The following TPD52L1 variants were observed in gnomAD, a reference collection of about 807,000 sequenced individuals.
The protein encoded by TPD52L1 is tumor protein D53.
A neutral mutation model predicts 28.7 loss-of-function variants in TPD52L1; 18 were observed. That is an observed-to-expected ratio of 0.63 (90% CI 0.43 to 0.93). The LOEUF is 0.93. TPD52L1 is among the 40% of genes least tolerant of loss of function. TPD52L1 has a pLI of 0.00. For synonymous variants in TPD52L1, 75 were observed against 88.8 expected (o/e 0.84, Z 0.88); for missense variants, 203 against 254.8 (o/e 0.80, Z 1.39).
At chr6:125,232,131 T>C (rs1795990389) in intron 3 of TPD52L1, among the ~76,000 whole-genome samples, 1 of 152,166 alleles carries the variant, frequency 6.6e-6, no homozygotes, top group African/African-American at 2.4e-5. Context: ...TTCAACTGCA[T>C]ATAGATAACA....
intron 1 of TPD52L1, among the ~76,000 whole-genome samples, chr6:125,194,023 GTTT>G (rs3040726): frequency 0.023 from 2,847 of 124,138 alleles, 65 homozygotes; most frequent in African/African-American, 0.076. Context: ...CTTCTGAATA[GTTT>G]TTTTTTTTTT....
At chr6:125,228,151 T>C (rs1012379588) in intron 2 of TPD52L1, among the ~76,000 whole-genome samples, 2 of 152,022 alleles carry the variant, frequency 1.3e-5, no homozygotes, top group Admixed American at 6.6e-5. Context: ...TTCTAGTAAA[T>C]ATCTGCAAAC....
intron 1 of TPD52L1, among the ~76,000 whole-genome samples, chr6:125,194,838 A>G (rs1793307743): frequency 1.3e-5 from 2 of 152,210 alleles, no homozygotes; most frequent in African/African-American, 4.8e-5. Context: ...TCTTATTTAT[A>G]GTTAGTTGGT....
intron 3 of TPD52L1, among the ~76,000 whole-genome samples, chr6:125,244,999 G>A (rs1274814605): frequency 1.3e-5 from 2 of 152,140 alleles, no homozygotes; most frequent in African/African-American, 4.8e-5. Flanking sequence ...TCTCTTCTTA[G>A]TCTAACCACC....
rs191858006 is a variant in TPD52L1, at chr6:125,254,805, A to C, written c.425+1050A>C. On this transcript the variant is annotated intron_variant, in intron 5 of 6. Transcript: ENST00000534000. ...TCTGATTAAATCTTATTAAAGTTGT[A>C]CATCTGATTAAATCTGATTAAAGAG... Among the ~76,000 whole-genome samples, 5 of 152,312 alleles carry C rather than the reference A, an allele frequency of 3.3e-5. No homozygotes were observed. The East Asian group carries it at 9.6e-4, about 29-fold the overall frequency.
At chr6:125,254,434 C>T (rs1797469895) in intron 5 of TPD52L1, among the ~76,000 whole-genome samples, 2 of 152,188 alleles carry the variant, frequency 1.3e-5, no homozygotes, top group African/African-American at 4.8e-5. Context: ...ACTTTGCACT[C>T]TTGGGAAAAT....
intron 1 of TPD52L1, among the ~76,000 whole-genome samples, chr6:125,216,717 A>G (rs1212388358): frequency 6.6e-6 from 1 of 151,930 alleles, no homozygotes; most frequent in Non-Finnish European, 1.5e-5. Context: ...TTACTTATGA[A>G]AAAGGAAATT....
At chr6:125,180,228 TA>T (rs1473034814) in intron 1 of TPD52L1, among the ~76,000 whole-genome samples, 3 of 152,178 alleles carry the variant, frequency 2.0e-5, no homozygotes, top group African/African-American at 7.2e-5. Context: ...TATTTCTATG[TA>T]ATTATTACTT....
At chr6:125,230,832 T>C (rs772368817) in intron 3 of TPD52L1, among the ~76,000 whole-genome samples, 16 of 152,194 alleles carry the variant, frequency 1.1e-4, no homozygotes, top group Admixed American at 4.6e-4. Context: ...AGGCAGAATG[T>C]AGCCAGGGAG....
Position 125,202,766 on chromosome 6 carries a change from C to CTTTT in TPD52L1, c.20-17299_20-17296dup, listed in dbSNP as rs55761249. Among the ~76,000 whole-genome samples, 3 of 116,426 alleles carry CTTTT rather than the reference C, an allele frequency of 2.6e-5. 1 individual carries two copies. The highest frequency in any genetic ancestry group is 3.3e-5 in the Non-Finnish European group (2 of 60,084). 76.4% of individuals were successfully genotyped at this position (116,426 alleles called of 152,430 possible). ...CTGAGTGTTACATTTGGAGGTTTAT[C>CTTTT]TTTTTTTTTTTTTTTTGAGACGGAG... On this transcript the variant is annotated intron_variant, in intron 1 of 6. Transcript: ENST00000534000.
chr6:125,222,725 A>C (rs976986777), intron 2 of TPD52L1, among the ~76,000 whole-genome samples: 6 of 152,234 alleles, frequency 3.9e-5, no homozygotes, highest in Non-Finnish European at 7.3e-5. Context: ...CTCTGATTAT[A>C]GACTAGCCTT....
At chr6:125,204,439 CTT>C (rs1793980761) in intron 1 of TPD52L1, among the ~76,000 whole-genome samples, 1 of 152,074 alleles carries the variant, frequency 6.6e-6, no homozygotes, top group Non-Finnish European at 1.5e-5. Context: ...ATATTCAACA[CTT>C]TAAGAAGAAA....
At chr6:125,216,415 A>C (rs1005662243) in intron 1 of TPD52L1, among the ~76,000 whole-genome samples, 1 of 151,690 alleles carries the variant, frequency 6.6e-6, no homozygotes, top group African/African-American at 2.4e-5. Flanking sequence ...AAAATAAAGC[A>C]CAACCATTGA....
At chr6:125,169,594 T>TGTCA (rs1791145508) in intron 1 of TPD52L1, among the ~76,000 whole-genome samples, 1 of 152,206 alleles carries the variant, frequency 6.6e-6, no homozygotes, top group Admixed American at 6.5e-5. Context: ...ATTTCCAGTC[T>TGTCA]GTCATGCCAG....
At chr6:125,247,138 C>T (rs979522496) in intron 3 of TPD52L1, among the ~76,000 whole-genome samples, 6 of 151,946 alleles carry the variant, frequency 3.9e-5, no homozygotes, top group Non-Finnish European at 8.8e-5. Flanking sequence ...GGAAAAAGGG[C>T]AGTTCCTACA....
rs187152271 is a variant in TPD52L1 at position 125,186,244 on chromosome 6, G to T, written c.19+32274G>T. Reference sequence around the variant, plus strand: ...GCAAACTTTCTCCGTAAAGACCAGAGAGTAAACGATTTAGGCTTTTTGGAT... The same window carrying T: ...GCAAACTTTCTCCGTAAAGACCAGATAGTAAACGATTTAGGCTTTTTGGAT... On this transcript the variant is annotated intron_variant, in intron 1 of 6. Coordinates refer to ENST00000534000, the MANE Select transcript of TPD52L1 (RefSeq NM_003287.4). Among the ~76,000 whole-genome samples, 370 of 152,290 alleles carry T rather than the reference G, an allele frequency of 2.4e-3. 2 individuals carry two copies. The highest frequency in any genetic ancestry group is 8.7e-3 in the African/African-American group (362 of 41,562).
chr6:125,242,051 T>A (rs1037517312), intron 3 of TPD52L1, among the ~76,000 whole-genome samples: 1 of 152,124 alleles, frequency 6.6e-6, no homozygotes, highest in African/African-American at 2.4e-5. Flanking sequence ...CAAAGAATTT[T>A]TTAATTTCCA....
intron 1 of TPD52L1, among the ~76,000 whole-genome samples, chr6:125,206,331 C>G (rs1794136242): frequency 6.6e-6 from 1 of 151,406 alleles, no homozygotes; most frequent in South Asian, 2.1e-4. Flanking sequence ...TTTGTAATGT[C>G]ATTTATACTG....
At chr6:125,241,799 C>CT (rs200378831) in intron 3 of TPD52L1, among the ~76,000 whole-genome samples, 36 of 148,286 alleles carry the variant, frequency 2.4e-4, no homozygotes, top group Non-Finnish European at 3.6e-4. Context: ...ACTTTTATAT[C>CT]TTTTTTTTGT....
Sources: allele counts gnomAD v4.1 joint callset (sites outside exome capture counted in the v4.1 genomes callset), GRCh38; gene constraint gnomAD v4.1.1; transcripts MANE v1.5; gene names NCBI Gene and HGNC (gene_info 2026-07-23, HGNC 2026-07-21).